The following FARS2 variants were observed in gnomAD, a reference collection of about 807,000 sequenced individuals.
FARS2 encodes phenylalanine--tRNA ligase, mitochondrial.
Under a neutral mutation model 46.4 loss-of-function variants are expected in FARS2, and 40 were observed. The observed-to-expected ratio is 0.86, with a 90% CI of 0.67 to 1.12. FARS2 has a LOEUF of 1.12. FARS2 is among the 50% of genes most tolerant of loss of function. The pLI is 0.00. For missense variants in FARS2, 513 were observed against 567.9 expected (o/e 0.90, Z 0.98); for synonymous variants, 234 against 214.9 (o/e 1.09, Z -0.78).
At chr6:5,719,418 A>G (rs75462435) in intron 6 of FARS2, among the ~76,000 whole-genome samples, 226 of 149,042 alleles carry the variant, frequency 1.5e-3, no homozygotes, top group African/African-American at 5.4e-3. Flanking sequence ...AAAAGGAAGA[A>G]GAAAGAAAAA....
chr6:5,261,067 A>C, upstream of FARS2: 4 of 581,030 alleles, frequency 6.9e-6, no homozygotes, highest in Non-Finnish European at 8.9e-6. Flanking sequence ...GCGGGGAAAT[A>C]AGAGGACTGG....
chr6:5,288,469 G>T (rs1035290935), intron 1 of FARS2, among the ~76,000 whole-genome samples: 1 of 152,172 alleles, frequency 6.6e-6, no homozygotes, highest in Non-Finnish European at 1.5e-5. Flanking sequence ...ATACCTCATT[G>T]TGAAGTCCAG....
At chr6:5,651,848 T>C (rs1486957588) in intron 6 of FARS2, among the ~76,000 whole-genome samples, 1 of 152,174 alleles carries the variant, frequency 6.6e-6, no homozygotes, top group Non-Finnish European at 1.5e-5. Context: ...AGCTGGTTAG[T>C]GGCAAAACTG....
intron 6 of FARS2, among the ~76,000 whole-genome samples, chr6:5,714,287 G>C (rs1759360259): frequency 6.6e-6 from 1 of 152,186 alleles, no homozygotes; most frequent in African/African-American, 2.4e-5. Context: ...GGCAGGTCTG[G>C]TAATGTCAGG....
chr6:5,323,721 C>A (rs1260029236), intron 1 of FARS2, among the ~76,000 whole-genome samples: 1 of 152,188 alleles, frequency 6.6e-6, no homozygotes, highest in Non-Finnish European at 1.5e-5. Flanking sequence ...CAAGGACTTT[C>A]CAGAGCTGAT....
At chr6:5,353,726 G>GTTTTTTTTTTTTTTTTTTTTTTTTTTT (rs55998904) in intron 1 of FARS2, among the ~76,000 whole-genome samples, 4 of 40,360 alleles carry the variant, frequency 9.9e-5, no homozygotes, top group Non-Finnish European at 1.3e-4. Context: ...AATATTTGGT[G>GTTTTTTTTTTTTTTTTTTTTTTTTTTT]TTTTTTTTTT....
At position 5,727,270 on chromosome 6, in the gene FARS2, T is replaced by C. The variant is rs1760326870; in HGVS notation, c.1218-44021T>C. On this transcript the variant is annotated intron_variant, in intron 6 of 6. Coordinates refer to ENST00000274680, the MANE Select transcript of FARS2 (RefSeq NM_006567.5). This position sits in a 1 kb window ranked among gnomAD's most constrained non-coding sequence, Gnocchi z 4.1. ...CAGATGGTTCAAATGCAGCCTCCTC[T>C]ATGAGGTTGGACCCCGTTCCTCTGC... Among the ~76,000 whole-genome samples the C allele has an allele frequency of 6.6e-6, 1 of 152,204 alleles. No individual in the cohort carries two copies. Among genetic ancestry groups the C allele is most frequent in the South Asian group, 2.1e-4 (1 of 4,828 alleles).
chr6:5,656,431 C>T (rs1327791216), intron 6 of FARS2, among the ~76,000 whole-genome samples: 2 of 152,194 alleles, frequency 1.3e-5, no homozygotes, highest in Non-Finnish European at 2.9e-5. Flanking sequence ...GAGTAATGTG[C>T]TTGAGCTCCA....
chr6:5,253,070 T>C, the FARS2 span, among the ~76,000 whole-genome samples: 3 of 152,234 alleles, frequency 2.0e-5, no homozygotes, highest in Non-Finnish European at 4.4e-5. Flanking sequence ...GAGCTTGTAA[T>C]GTTTTACCCT....
chr6:5,520,529 T>G (rs1769067228), intron 4 of FARS2, among the ~76,000 whole-genome samples: 1 of 152,198 alleles, frequency 6.6e-6, no homozygotes, highest in Non-Finnish European at 1.5e-5. Flanking sequence ...ATATAAGAAA[T>G]ACCCTGTTCA....
chr6:5,385,150 G>A (rs1037595176), intron 2 of FARS2, among the ~76,000 whole-genome samples: 4 of 152,120 alleles, frequency 2.6e-5, no homozygotes, highest in Non-Finnish European at 5.9e-5. Context: ...AAGTCTTCCC[G>A]AATGATGAGC....
intron 6 of FARS2, among the ~76,000 whole-genome samples, chr6:5,677,368 A>G (rs1222741812): frequency 1.3e-5 from 2 of 152,188 alleles, no homozygotes; most frequent in African/African-American, 4.8e-5. Flanking sequence ...CCTCTCTGGC[A>G]AGGTACAAAT....
chr6:5,728,898 A>G (rs1760444181), intron 6 of FARS2, among the ~76,000 whole-genome samples: 2 of 152,132 alleles, frequency 1.3e-5, no homozygotes. Context: ...GCCTGAGCTC[A>G]CCACTGTCCC....
intron 2 of FARS2, among the ~76,000 whole-genome samples, chr6:5,389,992 G>A (rs902484547): frequency 6.6e-6 from 1 of 152,108 alleles, no homozygotes; most frequent in Admixed American, 6.5e-5. Context: ...AGCCCTCCGA[G>A]TAGCTAGGAT....
chr6:5,477,612 G>C (rs929916565), intron 4 of FARS2, among the ~76,000 whole-genome samples: 1 of 152,150 alleles, frequency 6.6e-6, no homozygotes, highest in African/African-American at 2.4e-5. Flanking sequence ...GTGACCTTGG[G>C]CAAATTACTT....
chr6:5,330,314 T>C (rs1484981991), intron 1 of FARS2, among the ~76,000 whole-genome samples: 1 of 152,210 alleles, frequency 6.6e-6, no homozygotes, highest in South Asian at 2.1e-4. Context: ...CTTTTTTCTT[T>C]TGTGATTTCC....
chr6:5,751,679 T>C (rs1761957139), intron 6 of FARS2, among the ~76,000 whole-genome samples: 2 of 152,190 alleles, frequency 1.3e-5, no homozygotes, highest in South Asian at 4.1e-4. Flanking sequence ...CCCTGGGCTG[T>C]GCACAGGAAG....
At chr6:5,371,274 T>TTG in intron 2 of FARS2, 1 of 657,132 alleles carries the variant, frequency 1.5e-6, no homozygotes. Context: ...CTAAACAAAA[T>TTG]GTTTTTTCGT....
At chr6:5,708,847 A>G (rs1758927671) in intron 6 of FARS2, among the ~76,000 whole-genome samples, 1 of 152,156 alleles carries the variant, frequency 6.6e-6, no homozygotes, top group South Asian at 2.1e-4. Flanking sequence ...TATTTTTTGT[A>G]GAGACGGGAC....
Sources: allele counts gnomAD v4.1 joint callset (sites outside exome capture counted in the v4.1 genomes callset), GRCh38; gene constraint gnomAD v4.1.1; non-coding constraint Gnocchi (gnomAD v3.1); transcripts MANE v1.5; gene names NCBI Gene and HGNC (gene_info 2026-07-23, HGNC 2026-07-21).